Variants in HPS1 observed in about 807,000 individuals in gnomAD.
The protein encoded by HPS1 is HPS1 biogenesis of lysosomal organelles complex 3 subunit 1, also known as BLOC-3 complex member HPS1.
HPS1 carries 59 observed loss-of-function variants against 90.6 expected under a neutral mutation model. That is an observed-to-expected ratio of 0.65 (90% CI 0.53 to 0.81). The LOEUF is 0.81. Among genes scored for constraint, HPS1 ranks in the 30% least tolerant of loss-of-function variants. The pLI, the probability that HPS1 is intolerant of heterozygous loss-of-function variation, is 0.00. For missense variants in HPS1, 849 were observed against 896.7 expected (o/e 0.95, Z 0.68); for synonymous variants, 388 against 384.4 (o/e 1.01, Z -0.11).
chr10:98,425,521 G>T lies in HPS1; in HGVS notation c.1335+20C>A. On this transcript the variant is annotated intron_variant, in intron 13 of 19. Coordinates refer to ENST00000361490, the MANE Select transcript of HPS1 (RefSeq NM_000195.5). ...CCCTGCCTCTTCCCCAGGTGGGGAG[G>T]ACTGGAACTTGGGTCTCACCTGAAT... is the stretch of plus-strand genomic sequence containing the variant. 1 of 1,601,872 alleles carries T rather than the reference G, an allele frequency of 6.2e-7. No individual in the cohort carries two copies. Among genetic ancestry groups the T allele is most frequent in the Non-Finnish European group, 8.5e-7 (1 of 1,174,080 alleles).
At position 98,425,937 on chromosome 10, in the gene HPS1, A is replaced by G. The variant is rs2136157183; in HGVS notation, c.1036T>C (p.Ser346Pro). The change falls in exon 12 of 20, where the codon TCC becomes CCC. Residue 346 changes from serine (S) to proline (P), a missense_variant. Coordinates refer to ENST00000361490, the MANE Select transcript of HPS1 (RefSeq NM_000195.5). ...TCCAGGAAGATCCTTCTGGGGCCGG[A>G]AGGCACAGGGCAGTGGGGAACCAGT... ...QTLVPHCPVP[S>P]GPRRIFLDAN... The G allele has an allele frequency of 1.2e-6, 2 of 1,614,112 alleles. No individual in the cohort carries two copies. The highest frequency in any genetic ancestry group is 3.3e-5 in the Admixed American group (2 of 60,026).
In HPS1 at chr10:98,445,992, C is replaced by T. The variant is rs1383453317; in HGVS notation, c.-105-588G>A. Among the ~76,000 whole-genome samples the T allele has an allele frequency of 2.0e-5, 3 of 152,202 alleles. No individual in the cohort carries two copies. Among genetic ancestry groups the T allele is most frequent in the Non-Finnish European group, 2.9e-5 (2 of 68,046 alleles). ...GCTGCAAAGTAACCTTAGCAAACTG[C>T]GTTCTTACATAGGTGTGGGGATCAT... On this transcript the variant is annotated intron_variant, in intron 1 of 19. Coordinates refer to ENST00000361490, the MANE Select transcript of HPS1 (RefSeq NM_000195.5). The surrounding 1 kb of genome is among the most constrained non-coding windows in gnomAD (Gnocchi z 4.5).
chr10:98,425,697 C>T lies in HPS1; in HGVS notation c.1179G>A (p.Leu393=). ...AGCCATCCATCAGCTGGGACAGAAC[C>T]AGGGCCAGGGGCGCGCTGGGGCTCT... ...LTRSPSAPLA[L]VLSQLMDGFS... The change falls in exon 13 of 20, where the codon CTG becomes CTA. Residue 393 remains leucine, a synonymous_variant. Transcript: ENST00000361490. 1 of 1,612,290 alleles carries T rather than the reference C, an allele frequency of 6.2e-7. No homozygotes were observed. Among genetic ancestry groups the T allele is most frequent in the African/African-American group, 1.3e-5 (1 of 75,008 alleles).
chr10:98,415,538 T>C (rs1034548380), downstream of HPS1, among the ~76,000 whole-genome samples: 1 of 152,242 alleles, frequency 6.6e-6, no homozygotes, highest in African/African-American at 2.4e-5. Context: ...TCTCCTCCCC[T>C]GTGCATCTAC....
At chr10:98,429,670 A>C in intron 9 of HPS1, 28 bp from the exon 10 acceptor site, 2 of 1,614,104 alleles carry the variant, frequency 1.2e-6, no homozygotes, top group Non-Finnish European at 1.7e-6. Context: ...GCTCAGGTTG[A>C]GAGGCTCTCC....
Position 98,417,820 on chromosome 10 carries a change from T to C in HPS1, c.1941-94A>G. On this transcript the variant is annotated intron_variant, in intron 19 of 19. Transcript: ENST00000361490. The surrounding 1 kb of genome is among the most constrained non-coding windows in gnomAD (Gnocchi z 4.2). ...CTGGGCCCTCGCAAGCAAATGCCCA[T>C]GCCCTCGGTCATCTCACTAGGCCCC... is the stretch of plus-strand genomic sequence containing the variant. 8.2e-7 allele frequency: 1 copy of C among 1,217,308 alleles called. No homozygotes were observed. The highest frequency in any genetic ancestry group is 1.2e-6 in the Non-Finnish European group (1 of 834,330). The allele number at this position is 1,217,308 out of a possible 1,614,324, so 75.4% of individuals were successfully genotyped here.
chr10:98,414,971 G>C, downstream of HPS1: 2 of 1,585,738 alleles, frequency 1.3e-6, no homozygotes, highest in East Asian at 2.3e-5. Context: ...CTGTCTTCCC[G>C]CCCCTCAGCT....
intron 11 of HPS1, 52 bp downstream of exon 11, chr10:98,427,163 A>T: frequency 6.9e-7 from 1 of 1,450,486 alleles, no homozygotes; most frequent in Non-Finnish European, 9.5e-7. Flanking sequence ...CCCAATACTC[A>T]CTGCGGCATC....
In HPS1 at chr10:98,435,837, C is replaced by T. The variant is rs1365514570; in HGVS notation, c.118-65G>A. On this transcript the variant is annotated intron_variant, in intron 3 of 19. Transcript: ENST00000361490. This position sits in a 1 kb window ranked among gnomAD's most constrained non-coding sequence, Gnocchi z 4.3. ...CAGACACCAAGAACTAAGGAAGGGA[C>T]AAGATCAGGCCTTGATATCAAGGGT... 1.2e-6 allele frequency: 2 copies of T among 1,602,454 alleles called. No homozygotes were observed. Among genetic ancestry groups the T allele is most frequent in the Non-Finnish European group, 1.7e-6 (2 of 1,170,296 alleles).
In HPS1 at chr10:98,445,430, T is replaced by A. The variant is rs1012421619; in HGVS notation, c.-105-26A>T. On this transcript the variant is annotated intron_variant, in intron 1 of 19. Transcript: ENST00000361490. This position sits in a 1 kb window ranked among gnomAD's most constrained non-coding sequence, Gnocchi z 4.5. ...CTGCAAATGCTTAAAACAGAGAGAA[T>A]ATGAGGGCAGGCAGATGCCCTGGTC... 3 of 152,086 alleles carry A rather than the reference T, an allele frequency of 2.0e-5. No individual in the cohort carries two copies. The highest frequency in any genetic ancestry group is 4.4e-5 in the Non-Finnish European group (3 of 68,102). 9.4% of individuals were successfully genotyped at this position (152,086 alleles called of 1,614,324 possible). A position where few individuals can be genotyped will look rare whatever the true frequency, so the allele number is the denominator to read the frequency against.
downstream of HPS1, chr10:98,415,243 G>T: frequency 1.4e-6 from 2 of 1,384,986 alleles, no homozygotes; most frequent in South Asian, 1.4e-5. Flanking sequence ...AGGAGGAGCT[G>T]CAGTCCCCCT....
Position 98,430,003 on chromosome 10 carries a change from T to C in HPS1, c.769-114A>G, listed in dbSNP as rs1846196127. ...TCCACCCCTCCACCCCTCCACCCGTTCCGGGTGCAGTCCTGGGTGTGTGGT... is the reference window on the plus strand; with the variant it reads ...TCCACCCCTCCACCCCTCCACCCGTCCCGGGTGCAGTCCTGGGTGTGTGGT... On this transcript the variant is annotated intron_variant, in intron 8 of 19. Transcript: ENST00000361490. 3.4e-6 allele frequency: 3 copies of C among 879,164 alleles called. No individual in the cohort carries two copies. In the Admixed American group the frequency reaches 6.3e-5, roughly 18 times the overall value. The allele number at this position is 879,164 out of a possible 1,614,324, so 54.5% of individuals were successfully genotyped here. A position where few individuals can be genotyped will look rare whatever the true frequency, so the allele number is the denominator to read the frequency against.
intron 3 of HPS1, among the ~76,000 whole-genome samples, chr10:98,437,624 A>T (rs1049249517): frequency 2.6e-5 from 4 of 152,288 alleles, no homozygotes; most frequent in Non-Finnish European, 5.9e-5. Context: ...CATACTGTAC[A>T]GCCTAGGTGT....
chr10:98,425,622 G>A lies in HPS1; in HGVS notation c.1254C>T (p.Ser418=). The stretch of plus-strand genomic sequence containing the variant: ...CTCCCACGAGGGGCTGGGAGCGCAG[G>A]GAGGCCCCGGGCTCCGGCCCTTCCT... ...KLKEGPEPGA[S]LRSQPLVGDL... Residue 418 remains serine, a synonymous_variant, in exon 13 of 20, where the codon TCC becomes TCT. Transcript: ENST00000361490. 1.2e-6 allele frequency: 2 copies of A among 1,613,824 alleles called. No individual in the cohort carries two copies. Among genetic ancestry groups the A allele is most frequent in the Non-Finnish European group, 1.7e-6 (2 of 1,179,938 alleles).
downstream of HPS1, among the ~76,000 whole-genome samples, chr10:98,415,531 C>T (rs1843998145): frequency 6.6e-6 from 1 of 152,236 alleles, no homozygotes; most frequent in South Asian, 2.1e-4. Flanking sequence ...AGGGCCCTCT[C>T]CTCCCCTGTG....
chr10:98,433,439 C>T (rs1441564045), intron 6 of HPS1, among the ~76,000 whole-genome samples: 9 of 152,092 alleles, frequency 5.9e-5, no homozygotes, highest in Admixed American at 5.9e-4. Flanking sequence ...CCAGCAGCCA[C>T]TTTAGTTTTT....
intron 17 of HPS1, chr10:98,420,476 G>A (rs1844710934): frequency 2.8e-6 from 1 of 358,178 alleles, no homozygotes; most frequent in South Asian, 2.2e-5. Flanking sequence ...CACTTTGGGA[G>A]GCTGAGGTAG....
At chr10:98,418,055 A>T in intron 19 of HPS1, 120 bp downstream of exon 19, 1 of 722,986 alleles carries the variant, frequency 1.4e-6, no homozygotes, top group Non-Finnish European at 2.4e-6. Flanking sequence ...AGGTGTTCCC[A>T]GCGTGGATTT....
intron 17 of HPS1, chr10:98,420,467 A>G (rs1844709390): frequency 2.8e-6 from 1 of 362,936 alleles, no homozygotes; most frequent in Non-Finnish European, 5.4e-6. Context: ...TAATCCTAGC[A>G]CTTTGGGAGG....
Sources: allele counts gnomAD v4.1 joint callset (sites outside exome capture counted in the v4.1 genomes callset), GRCh38; gene constraint gnomAD v4.1.1; non-coding constraint Gnocchi (gnomAD v3.1); transcripts MANE v1.5; gene names NCBI Gene and HGNC (gene_info 2026-07-23, HGNC 2026-07-21).